CCDC171: variants seen among roughly 807,000 people sequenced by gnomAD.
The protein encoded by CCDC171 is coiled-coil domain-containing protein 171.
Under a neutral mutation model 168.2 loss-of-function variants are expected in CCDC171, and 177 were observed. The ratio of observed to expected loss-of-function variants is 1.05; its 90% CI spans 0.93 to 1.19. The LOEUF (loss-of-function observed/expected upper bound fraction) is 1.19. Among genes scored for constraint, CCDC171 ranks in the 50% most tolerant of loss-of-function variants. The pLI, the probability that CCDC171 is intolerant of heterozygous loss-of-function variation, is 0.00. For synonymous variants in CCDC171, 687 were observed against 540.8 expected (o/e 1.27, Z -3.75); for missense variants, 1,991 against 1,539.0 (o/e 1.29, Z -4.91).
chr9:15,911,153 C>A (rs536295526), intron 24 of CCDC171, among the ~76,000 whole-genome samples: 1 of 152,084 alleles, frequency 6.6e-6, no homozygotes, highest in Admixed American at 6.5e-5. Context: ...CTAATTTACA[C>A]CCCCACCAAT....
At chr9:15,722,000 A>G (rs2053514495) in intron 12 of CCDC171, 125 bp downstream of exon 12, 3 of 389,104 alleles carry the variant, frequency 7.7e-6, no homozygotes, top group Middle Eastern at 6.6e-4. Flanking sequence ...GATACAAAAA[A>G]TAATAAATTA....
intron 21 of CCDC171, among the ~76,000 whole-genome samples, chr9:15,830,759 G>T (rs2060195557): frequency 6.6e-6 from 1 of 152,114 alleles, no homozygotes; most frequent in Non-Finnish European, 1.5e-5. Flanking sequence ...TTACAGTTCT[G>T]TAGAGATAGA....
At chr9:16,105,982 TCAGGCCACCA>T in the CCDC171 span, among the ~76,000 whole-genome samples, 1 of 152,226 alleles carries the variant, frequency 6.6e-6, no homozygotes, top group Non-Finnish European at 1.5e-5. Flanking sequence ...CGACCTGCTT[TCAGGCCACCA>T]CACCCCATCG....
chr9:15,906,131 C>T (rs1399160441), intron 24 of CCDC171, among the ~76,000 whole-genome samples: 1 of 152,174 alleles, frequency 6.6e-6, no homozygotes, highest in Non-Finnish European at 1.5e-5. Flanking sequence ...TGAAACTATT[C>T]CAATCAATAG....
At chr9:15,756,201 T>C (rs1008299177) in intron 18 of CCDC171, among the ~76,000 whole-genome samples, 7 of 152,018 alleles carry the variant, frequency 4.6e-5, no homozygotes, top group African/African-American at 1.7e-4. Flanking sequence ...ATTTACTTTC[T>C]AAAAAGCAAA....
chr9:15,619,284 C>G (rs1396252916), intron 6 of CCDC171, among the ~76,000 whole-genome samples: 1 of 152,194 alleles, frequency 6.6e-6, no homozygotes, highest in Non-Finnish European at 1.5e-5. Context: ...AAAACCAGTA[C>G]AGGCCAAACG....
At chr9:15,612,546 A>C (rs2043775760) in intron 6 of CCDC171, among the ~76,000 whole-genome samples, 1 of 151,914 alleles carries the variant, frequency 6.6e-6, no homozygotes, top group Non-Finnish European at 1.5e-5. Flanking sequence ...TTTTCATCTC[A>C]TATTTGAATT....
intron 11 of CCDC171, among the ~76,000 whole-genome samples, chr9:15,698,504 G>C (rs551961063): frequency 4.7e-5 from 6 of 127,616 alleles, no homozygotes; most frequent in East Asian, 2.2e-4. Context: ...CTGGGCAACA[G>C]AGCAAGACCC....
At chr9:15,884,564 A>G (rs1298132023) in intron 24 of CCDC171, among the ~76,000 whole-genome samples, 2 of 152,196 alleles carry the variant, frequency 1.3e-5, no homozygotes, top group Admixed American at 6.5e-5. Context: ...AAAAGTTGAA[A>G]TAATTTCATT....
intron 18 of CCDC171, among the ~76,000 whole-genome samples, chr9:15,749,418 C>T (rs147831759): frequency 0.018 from 2,673 of 152,228 alleles, 93 homozygotes; most frequent in African/African-American, 0.061. Context: ...ATCAACGAGA[C>T]AGAAAATTAA....
At chr9:15,655,540 C>A (rs973635963) in intron 7 of CCDC171, among the ~76,000 whole-genome samples, 23 of 152,180 alleles carry the variant, frequency 1.5e-4, no homozygotes, top group African/African-American at 4.6e-4. Flanking sequence ...CTGACTCTTG[C>A]CTGAAAAACT....
intron 20 of CCDC171, among the ~76,000 whole-genome samples, chr9:15,781,428 T>C (rs2057660565): frequency 6.6e-6 from 1 of 152,172 alleles, no homozygotes; most frequent in South Asian, 2.1e-4. Flanking sequence ...TATTTTACCT[T>C]ATTTTTTGAG....
At chr9:15,909,228 C>G (rs1454001505) in intron 24 of CCDC171, among the ~76,000 whole-genome samples, 1 of 152,180 alleles carries the variant, frequency 6.6e-6, no homozygotes, top group African/African-American at 2.4e-5. Flanking sequence ...TGCTGAGCTT[C>G]AAGCCTAACT....
At chr9:15,673,533 G>C (rs1207895651) in intron 9 of CCDC171, among the ~76,000 whole-genome samples, 1 of 152,124 alleles carries the variant, frequency 6.6e-6, no homozygotes, top group African/African-American at 2.4e-5. Flanking sequence ...TCAATACCTA[G>C]TTCATTGAGA....
chr9:16,095,855 T>C, the CCDC171 span, among the ~76,000 whole-genome samples: 2 of 120,562 alleles, frequency 1.7e-5, no homozygotes, highest in East Asian at 2.3e-4. Context: ...TGTGTGTATA[T>C]ACACACATAG....
chr9:16,022,124 G>A (rs1286707770), intron 4 of CCDC171, among the ~76,000 whole-genome samples: 1 of 152,198 alleles, frequency 6.6e-6, no homozygotes, highest in African/African-American at 2.4e-5. Flanking sequence ...TGATTGGCAG[G>A]AGGTGATGGC....
intron 7 of CCDC171, among the ~76,000 whole-genome samples, chr9:15,648,386 A>G (rs900224255): frequency 1.3e-5 from 2 of 152,224 alleles, no homozygotes; most frequent in African/African-American, 4.8e-5. Flanking sequence ...TAGTGTTGGA[A>G]GTTCTGGCCA....
At chr9:15,719,595 A>T (rs2053340672) in intron 11 of CCDC171, among the ~76,000 whole-genome samples, 1 of 152,214 alleles carries the variant, frequency 6.6e-6, no homozygotes, top group South Asian at 2.1e-4. Flanking sequence ...CATAGCAGAC[A>T]TAAAGCTTAC....
At chr9:15,794,978 G>C (rs1330277223) in intron 21 of CCDC171, among the ~76,000 whole-genome samples, 1 of 152,198 alleles carries the variant, frequency 6.6e-6, no homozygotes, top group East Asian at 1.9e-4. Context: ...TAACATGAAA[G>C]GACTTCTCTT....
Sources: allele counts gnomAD v4.1 joint callset (sites outside exome capture counted in the v4.1 genomes callset), GRCh38; gene constraint gnomAD v4.1.1; transcripts MANE v1.5; gene names NCBI Gene and HGNC (gene_info 2026-07-23, HGNC 2026-07-21).